The following CA10 variants were observed in gnomAD, a reference collection of about 807,000 sequenced individuals.
CA10 encodes carbonic anhydrase 10 (inactive), also known as carbonic anhydrase-related protein 10.
A neutral mutation model predicts 44.2 loss-of-function variants in CA10; 14 were observed. The observed-to-expected ratio is 0.32, with a 90% confidence interval of 0.21 to 0.50. The LOEUF (loss-of-function observed/expected upper bound fraction) is 0.50. Among genes scored for constraint, CA10 ranks in the 20% least tolerant of loss-of-function variants. The pLI is 0.99. For missense variants in CA10, 350 were observed against 409.7 expected, an observed-to-expected ratio of 0.85 and a Z score of 1.26; for synonymous variants, 159 against 141.6, an observed-to-expected ratio of 1.12 and a Z score of -0.87.
chr17:51,893,284 C>T (rs1487324844), intron 3 of CA10, among the ~76,000 whole-genome samples: 1 of 152,104 alleles, frequency 6.6e-6, no homozygotes, highest in Non-Finnish European at 1.5e-5. Flanking sequence ...AATCCACGCT[C>T]TAAGTCCGAA....
At chr17:51,718,877 G>C (rs895818321) in intron 4 of CA10, among the ~76,000 whole-genome samples, 4 of 152,136 alleles carry the variant, frequency 2.6e-5, no homozygotes, top group African/African-American at 7.2e-5. Flanking sequence ...ATTGTTGAAT[G>C]AGAGGATAGA....
intron 2 of CA10, among the ~76,000 whole-genome samples, chr17:51,950,419 C>T (rs562790653): frequency 3.3e-5 from 5 of 152,196 alleles, no homozygotes; most frequent in East Asian, 3.9e-4. Context: ...TTGGGTTTGG[C>T]CAATAGGAGG....
chr17:51,660,811 T>C (rs1913975953), intron 4 of CA10, among the ~76,000 whole-genome samples: 1 of 152,196 alleles, frequency 6.6e-6, no homozygotes, highest in African/African-American at 2.4e-5. Context: ...CTGGCTTTTC[T>C]AACCATGTGT....
intron 3 of CA10, among the ~76,000 whole-genome samples, chr17:51,864,963 G>A (rs559501846): frequency 2.0e-4 from 31 of 152,276 alleles, no homozygotes; most frequent in East Asian, 1.9e-3. Context: ...GTCAGATGTT[G>A]TGCTGGGTGC....
At chr17:51,832,222 C>G (rs1908309317) in intron 3 of CA10, among the ~76,000 whole-genome samples, 1 of 152,130 alleles carries the variant, frequency 6.6e-6, no homozygotes, top group South Asian at 2.1e-4. Context: ...GTTGTGAAGA[C>G]TGAATGCTAT....
In CA10 at chr17:51,925,638, A is replaced by G. The variant is rs146070361; in HGVS notation, c.279+5352T>C. ...GACTCAAACAGTTCATTGTATACCA[A>G]TTTTCATTGCAGCCTTATTCACAAT... On this transcript the variant is annotated intron_variant, in intron 3 of 8. Transcript: ENST00000451037. Among the ~76,000 whole-genome samples, 215 of 152,252 alleles carry G rather than the reference A, an allele frequency of 1.4e-3. 4 individuals carry two copies. The highest frequency in any genetic ancestry group is 3.7e-4 in the Non-Finnish European group (25 of 68,018).
intron 5 of CA10, among the ~76,000 whole-genome samples, chr17:51,649,901 A>G (rs1913492775): frequency 6.6e-6 from 1 of 152,046 alleles, no homozygotes; most frequent in Non-Finnish European, 1.5e-5. Context: ...ACTGAAAAGT[A>G]TCACTGCTCA....
rs549523088 is a variant in CA10, at chr17:51,971,861, A to T, written c.137-40729T>A. Reference sequence around the variant, plus strand: ...AATAATTTTAAATATTTTTCTTAGAAATTATAAAAGTTAAAATTGAAAATT... The same window carrying T: ...AATAATTTTAAATATTTTTCTTAGATATTATAAAAGTTAAAATTGAAAATT... On this transcript the variant is annotated intron_variant, in intron 2 of 8. Coordinates refer to ENST00000451037, the MANE Select transcript of CA10 (RefSeq NM_020178.5). Among the ~76,000 whole-genome samples the T allele has an allele frequency of 1.2e-3, 186 of 152,064 alleles. 3 individuals carry two copies. Among genetic ancestry groups the T allele is most frequent in the African/African-American group, 4.2e-3 (175 of 41,564 alleles).
At chr17:51,749,300 A>T (rs958683618) in intron 3 of CA10, among the ~76,000 whole-genome samples, 1 of 152,248 alleles carries the variant, frequency 6.6e-6, no homozygotes, top group African/African-American at 2.4e-5. Context: ...TACTTTGGCC[A>T]ACAGCATGTG....
intron 4 of CA10, among the ~76,000 whole-genome samples, chr17:51,734,142 T>G (rs1194032525): frequency 7.3e-6 from 1 of 137,754 alleles, no homozygotes; most frequent in Non-Finnish European, 1.6e-5. Flanking sequence ...AAAGGAGGTA[T>G]GAGGATGGTT....
At chr17:52,026,206 A>G (rs1485096829) in intron 2 of CA10, among the ~76,000 whole-genome samples, 2 of 152,126 alleles carry the variant, frequency 1.3e-5, no homozygotes, top group Non-Finnish European at 2.9e-5. Context: ...ACAGAGTGAC[A>G]TGGGTTAGGG....
intron 4 of CA10, among the ~76,000 whole-genome samples, chr17:51,738,036 G>C (rs1162698100): frequency 6.6e-6 from 1 of 152,176 alleles, no homozygotes; most frequent in Non-Finnish European, 1.5e-5. Flanking sequence ...CAACTAAGTG[G>C]CATAATTCAT....
At chr17:52,010,871 A>G (rs1001345973) in intron 2 of CA10, among the ~76,000 whole-genome samples, 3 of 151,876 alleles carry the variant, frequency 2.0e-5, no homozygotes, top group African/African-American at 7.2e-5. Context: ...TTCTATCAGT[A>G]GATGTATCAT....
chr17:51,919,309 C>T (rs972896329), intron 3 of CA10, among the ~76,000 whole-genome samples: 3 of 152,108 alleles, frequency 2.0e-5, no homozygotes, highest in African/African-American at 4.8e-5. Flanking sequence ...AGGAGTAGAT[C>T]GACCAATTTC....
intron 1 of CA10, among the ~76,000 whole-genome samples, chr17:52,080,714 C>A (rs1420172280): frequency 2.6e-5 from 4 of 152,056 alleles, no homozygotes; most frequent in African/African-American, 4.8e-5. Flanking sequence ...CACACCTTCA[C>A]TCTGCCCTTT....
intron 2 of CA10, among the ~76,000 whole-genome samples, chr17:51,959,797 G>GAAA (rs3062037): frequency 0.4 from 44,959 of 112,058 alleles, 11,298 homozygotes; most frequent in Non-Finnish European, 0.53. Context: ...CTGCTAAGAT[G>GAAA]AAAAAAAAAA....
intron 3 of CA10, among the ~76,000 whole-genome samples, chr17:51,781,176 C>T (rs888072830): frequency 1.3e-5 from 2 of 152,114 alleles, no homozygotes; most frequent in Non-Finnish European, 2.9e-5. Flanking sequence ...CATGCTTGGA[C>T]AAGTCATTTA....
intron 3 of CA10, among the ~76,000 whole-genome samples, chr17:51,811,103 G>A (rs900465201): frequency 6.6e-5 from 10 of 151,828 alleles, no homozygotes; most frequent in African/African-American, 1.9e-4. Context: ...GGCTGAGGTC[G>A]GAGAATCGCT....
At chr17:51,864,175 A>G (rs757180799) in intron 3 of CA10, among the ~76,000 whole-genome samples, 2 of 152,206 alleles carry the variant, frequency 1.3e-5, no homozygotes, top group Non-Finnish European at 2.9e-5. Context: ...ACCATGGAAA[A>G]CAGAGACATT....
Sources: gnomAD v4.1 joint callset for allele counts (sites outside exome capture counted in the v4.1 genomes callset) on GRCh38, gnomAD v4.1.1 for gene constraint, MANE v1.5 for transcripts, NCBI Gene and HGNC (gene_info 2026-07-23, HGNC 2026-07-21) for gene names.